Variants in PTPRD observed in about 807,000 individuals in gnomAD.
The protein encoded by PTPRD is protein tyrosine phosphatase receptor type D, also known as receptor-type tyrosine-protein phosphatase delta.
In PTPRD, 34 loss-of-function variants were observed where a neutral mutation model predicts 214.5. The ratio of observed to expected loss-of-function variants is 0.16; its 90% CI spans 0.12 to 0.21. The LOEUF is 0.21. Ranked by LOEUF, PTPRD falls within the 10% of genes least tolerant of loss-of-function variation. PTPRD has a pLI of 1.00. For synonymous variants in PTPRD, 1,128 were observed against 845.7 expected, an observed-to-expected ratio of 1.33 and a Z score of -5.79; for missense variants, 2,545 against 2,398.7, an observed-to-expected ratio of 1.06 and a Z score of -1.27.
chr9:9,157,882 C>A (rs1341554469), intron 10 of PTPRD, among the ~76,000 whole-genome samples: 1 of 152,098 alleles, frequency 6.6e-6, no homozygotes, highest in Non-Finnish European at 1.5e-5. Context: ...GCCTGACCCC[C>A]CAACAGTTGC....
At chr9:9,344,962 A>G (rs1012316464) in intron 9 of PTPRD, among the ~76,000 whole-genome samples, 8 of 152,128 alleles carry the variant, frequency 5.3e-5, no homozygotes, top group Non-Finnish European at 1.0e-4. Context: ...GTTACTAATT[A>G]TAGAACATGA....
chr9:8,335,644 G>C (rs1022662280), intron 43 of PTPRD, among the ~76,000 whole-genome samples: 1 of 152,154 alleles, frequency 6.6e-6, no homozygotes, highest in African/African-American at 2.4e-5. Flanking sequence ...TCTGGCCAGG[G>C]CAATCAGGCA....
chr9:9,471,493 A>G (rs1449279163), intron 8 of PTPRD, among the ~76,000 whole-genome samples: 2 of 152,172 alleles, frequency 1.3e-5, no homozygotes, highest in Non-Finnish European at 2.9e-5. Flanking sequence ...ATTTCAAATA[A>G]AAAAATGCTC....
At chr9:9,287,223 A>C (rs1949774743) in intron 9 of PTPRD, among the ~76,000 whole-genome samples, 1 of 151,498 alleles carries the variant, frequency 6.6e-6, no homozygotes, top group African/African-American at 2.4e-5. Flanking sequence ...AGACTCTGTC[A>C]TCCCACCCCA....
intron 9 of PTPRD, among the ~76,000 whole-genome samples, chr9:9,395,378 T>C (rs2067412648): frequency 6.6e-6 from 1 of 152,118 alleles, no homozygotes; most frequent in Non-Finnish European, 1.5e-5. Context: ...GATGTTAGGC[T>C]TCATTTACCT....
At chr9:9,383,869 T>C (rs912636425) in intron 9 of PTPRD, among the ~76,000 whole-genome samples, 2 of 152,096 alleles carry the variant, frequency 1.3e-5, no homozygotes, top group African/African-American at 4.8e-5. Flanking sequence ...TGAATCCTGA[T>C]AATCATTGTT....
At chr9:10,101,179 G>C (rs1432127887) in intron 3 of PTPRD, among the ~76,000 whole-genome samples, 1 of 151,608 alleles carries the variant, frequency 6.6e-6, no homozygotes, top group East Asian at 2.0e-4. Context: ...GCTCATGACT[G>C]AGAGGAACCC....
Position 8,841,785 on chromosome 9 carries a change from GTGGA to G in PTPRD, c.-103-107843_-103-107840del, listed in dbSNP as rs1179318200. ...CCAGCACTTTGGGAGGCCAAGGCGG[GTGGA>G]TCATTTGAGGTCAAGAGTTCAAGAC... On this transcript the variant is annotated intron_variant, in intron 11 of 45. Transcript: ENST00000381196. Among the ~76,000 whole-genome samples the G allele has an allele frequency of 3.9e-5, 6 of 152,062 alleles. 1 individual carries two copies. The highest frequency in any genetic ancestry group is 7.2e-5 in the African/African-American group (3 of 41,388).
chr9:9,640,596 G>C (rs982440075), intron 7 of PTPRD, among the ~76,000 whole-genome samples: 3 of 152,144 alleles, frequency 2.0e-5, no homozygotes. Context: ...TCACATAGAA[G>C]GTAAGCCTGT....
intron 12 of PTPRD, among the ~76,000 whole-genome samples, chr9:8,670,435 A>T (rs1237024029): frequency 1.3e-5 from 2 of 152,112 alleles, no homozygotes; most frequent in African/African-American, 4.8e-5. Flanking sequence ...TATAGTCTAC[A>T]TGTAAGTGAG....
intron 8 of PTPRD, among the ~76,000 whole-genome samples, chr9:9,453,937 T>TA (rs1160133912): frequency 6.6e-6 from 1 of 151,686 alleles, no homozygotes; most frequent in African/African-American, 2.4e-5. Flanking sequence ...GATCCACTTC[T>TA]AAAAAATGTC....
At chr9:10,490,437 A>G (rs1238709715) in intron 2 of PTPRD, among the ~76,000 whole-genome samples, 1 of 152,174 alleles carries the variant, frequency 6.6e-6, no homozygotes, top group Non-Finnish European at 1.5e-5. Flanking sequence ...CTTGTATATT[A>G]TGCTTGGAAT....
chr9:9,809,706 C>A lies in PTPRD; in HGVS notation c.-367-42855G>T, dbSNP rs546068076. Among the ~76,000 whole-genome samples the A allele has an allele frequency of 3.3e-5, 5 of 152,178 alleles. 1 individual carries two copies. The South Asian group carries it at 1.0e-3, about 32-fold the overall frequency. ...AATTTTTCAAATAATTGGCTAAACA[C>A]TAGAAGAGAAGGAAAAGGGAAATAT... On this transcript the variant is annotated intron_variant, in intron 5 of 45. Coordinates refer to ENST00000381196, the MANE Select transcript of PTPRD (RefSeq NM_002839.4).
intron 14 of PTPRD, among the ~76,000 whole-genome samples, chr9:8,548,620 G>A (rs535001479): frequency 9.5e-4 from 139 of 146,912 alleles, no homozygotes; most frequent in African/African-American, 2.5e-3. Context: ...CACTTGCCTC[G>A]TCCTCCCAAA....
At chr9:8,400,351 T>G (rs1289300277) in intron 36 of PTPRD, among the ~76,000 whole-genome samples, 3 of 152,198 alleles carry the variant, frequency 2.0e-5, no homozygotes, top group African/African-American at 7.2e-5. Flanking sequence ...TCACCTGTAT[T>G]ATCATTAGGT....
intron 11 of PTPRD, among the ~76,000 whole-genome samples, chr9:8,942,618 C>T (rs2099040604): frequency 6.6e-6 from 1 of 151,898 alleles, no homozygotes; most frequent in South Asian, 2.1e-4. Context: ...AAAAGACTTC[C>T]AATTTGATTA....
At chr9:8,698,074 TA>T (rs1444087233) in intron 12 of PTPRD, among the ~76,000 whole-genome samples, 3 of 152,212 alleles carry the variant, frequency 2.0e-5, no homozygotes, top group Non-Finnish European at 2.9e-5. Context: ...TGTGAAACTT[TA>T]TTTTATACAA....
intron 39 of PTPRD, among the ~76,000 whole-genome samples, chr9:8,347,441 C>T (rs1467836587): frequency 6.6e-6 from 1 of 152,186 alleles, no homozygotes; most frequent in South Asian, 2.1e-4. Flanking sequence ...TCTTTCCTGT[C>T]GGAGCTTACA....
At chr9:9,542,196 C>A (rs1160709096) in intron 8 of PTPRD, among the ~76,000 whole-genome samples, 1 of 151,690 alleles carries the variant, frequency 6.6e-6, no homozygotes, top group African/African-American at 2.4e-5. Flanking sequence ...GCAACAAACC[C>A]TGGAGACAGT....
Sources: gnomAD v4.1 joint callset for allele counts (sites outside exome capture counted in the v4.1 genomes callset) on GRCh38, gnomAD v4.1.1 for gene constraint, MANE v1.5 for transcripts, NCBI Gene and HGNC (gene_info 2026-07-23, HGNC 2026-07-21) for gene names.